ZKSCAN2: variants seen among roughly 807,000 people sequenced by gnomAD.
ZKSCAN2 encodes the protein zinc finger protein with KRAB and SCAN domains 2.
A neutral mutation model predicts 90.5 loss-of-function variants in ZKSCAN2; 38 were observed. That is an observed-to-expected ratio of 0.42 (90% CI 0.32 to 0.55). The LOEUF is 0.55. ZKSCAN2 is among the 20% of genes least tolerant of loss of function. ZKSCAN2 has a pLI of 0.11. For synonymous variants in ZKSCAN2, 429 were observed against 421.6 expected, an observed-to-expected ratio of 1.02 and a Z score of -0.22; for missense variants, 1,167 against 1,202.6, an observed-to-expected ratio of 0.97 and a Z score of 0.44.
At position 25,257,357 on chromosome 16, in the gene ZKSCAN2, T is replaced by C. The variant is rs1963122785; in HGVS notation, c.-230A>G. On this transcript the variant is annotated 5_prime_UTR_variant, in exon 1 of 7. Coordinates refer to ENST00000328086, the MANE Select transcript of ZKSCAN2 (RefSeq NM_001012981.5). Reference sequence around the variant, plus strand: ...AGCCTGGCCTCTTCTCCAAACAAGATGTGACCGCGCAATGTGGTTTTCCAG... The same window carrying C: ...AGCCTGGCCTCTTCTCCAAACAAGACGTGACCGCGCAATGTGGTTTTCCAG... 7.8e-7 allele frequency: 1 copy of C among 1,275,076 alleles called. No homozygotes were observed. Among genetic ancestry groups the C allele is most frequent in the Non-Finnish European group, 9.9e-7 (1 of 1,012,616 alleles). The allele number at this position is 1,275,076 out of a possible 1,614,324, so 79.0% of individuals were successfully genotyped here.
chr16:25,243,959 T>G lies in ZKSCAN2; in HGVS notation c.1807A>C (p.Arg603=). ...STPEEVPSPS[R]QERGGIEVEP... ...ACCTCAATACCCCCTCTTTCTTGCC[T>G]TGAAGGTGATGGGACTTCCTCTGGG... Residue 603 remains arginine (R), a synonymous_variant, in exon 6 of 7, where the codon AGG becomes CGG. Coordinates refer to ENST00000328086, the MANE Select transcript of ZKSCAN2 (RefSeq NM_001012981.5). 1.2e-6 allele frequency: 2 copies of G among 1,614,138 alleles called. No homozygotes were observed. The highest frequency in any genetic ancestry group is 2.2e-5 in the South Asian group (2 of 91,082).
At position 25,257,200 on chromosome 16, in the gene ZKSCAN2, T is replaced by C. The variant is rs1963118910; in HGVS notation, c.-73A>G. ...AAAGAAGACTCCAAGCGCTCCCTGC[T>C]TAATGTTCCTGGGAGTGTGATAAGG... On this transcript the variant is annotated 5_prime_UTR_variant, in exon 1 of 7. Coordinates refer to ENST00000328086, the MANE Select transcript of ZKSCAN2 (RefSeq NM_001012981.5). 3 of 1,517,218 alleles carry C rather than the reference T, an allele frequency of 2.0e-6. No individual in the cohort carries two copies. The highest frequency in any genetic ancestry group is 1.4e-5 in the African/African-American group (1 of 71,964). 94.0% of individuals were successfully genotyped at this position (1,517,218 alleles called of 1,614,324 possible).
At position 25,256,790 on chromosome 16, in the gene ZKSCAN2, C is replaced by T; in HGVS notation, c.338G>A (p.Gly113Glu). 3 of 1,614,198 alleles carry T rather than the reference C, an allele frequency of 1.9e-6. No individual in the cohort carries two copies. The highest frequency in any genetic ancestry group is 1.6e-4 in the Middle Eastern group (1 of 6,062). The change falls in exon 1 of 7, where the codon GGA becomes GAA. Residue 113 changes from glycine (G) to glutamate (E), a missense_variant. Physicochemically the swap from Gly to Glu is moderately conservative, Grantham distance 98. Transcript: ENST00000328086. ...AWAQKQCPQSGEEAVALVVHL... is the reference protein window; with the variant it reads ...AWAQKQCPQSEEEAVALVVHL... ...CACTACCAGGGCCACCGCTTCCTCTCCACTTTGCGGACACTGCTTCTGTGC... is the reference window on the plus strand; with the variant it reads ...CACTACCAGGGCCACCGCTTCCTCTTCACTTTGCGGACACTGCTTCTGTGC...
intron 4 of ZKSCAN2, among the ~76,000 whole-genome samples, chr16:25,251,111 C>T (rs1231627353): frequency 1.3e-5 from 2 of 151,652 alleles, no homozygotes; most frequent in African/African-American, 2.4e-5. Flanking sequence ...CCAATAAAGT[C>T]GAAAAAAATT....
chr16:25,252,082 C>T, intron 3 of ZKSCAN2, 47 bp from the exon 4 acceptor site: 1 of 1,600,718 alleles, frequency 6.2e-7, no homozygotes, highest in East Asian at 2.3e-5. Flanking sequence ...CTGCACAGGT[C>T]TTCAAAGGAT....
intron 4 of ZKSCAN2, among the ~76,000 whole-genome samples, chr16:25,247,880 T>C (rs1406006674): frequency 6.6e-6 from 1 of 152,116 alleles, no homozygotes; most frequent in Non-Finnish European, 1.5e-5. Flanking sequence ...CAAAACAGTA[T>C]GGTACTGGTA....
chr16:25,255,462 A>G, intron 1 of ZKSCAN2, 70 bp from the exon 2 acceptor site: 1 of 1,476,872 alleles, frequency 6.8e-7, no homozygotes, highest in Non-Finnish European at 9.1e-7. Context: ...TCTCCCAGGA[A>G]AGACATCAAA....
intron 2 of ZKSCAN2, among the ~76,000 whole-genome samples, chr16:25,253,712 C>G (rs2141370739): frequency 6.6e-6 from 1 of 152,316 alleles, no homozygotes; most frequent in East Asian, 1.9e-4. Context: ...CTATTTCCCT[C>G]TTAAAGATGA....
chr16:25,255,362 A>G lies in ZKSCAN2; in HGVS notation c.430T>C (p.Ser144Pro). The change falls in exon 2 of 7, where the codon TCC becomes CCC. Residue 144 changes from serine (S) to proline (P), a missense_variant. Physicochemically the swap from Ser to Pro is moderately conservative, Grantham distance 74 (BLOSUM62 -1). Transcript: ENST00000328086. ...ACCTCCCACGCTGCTCCAAGTGGGGAGTGCTTCTCCCGGTGCACGGGACTG... is the reference window on the plus strand; with the variant it reads ...ACCTCCCACGCTGCTCCAAGTGGGGGGTGCTTCTCCCGGTGCACGGGACTG... ...VSSPVHREKH[S>P]PLGAAWEVAD... The G allele has an allele frequency of 5.0e-6, 8 of 1,612,854 alleles. No individual in the cohort carries two copies. Among genetic ancestry groups the G allele is most frequent in the Non-Finnish European group, 6.8e-6 (8 of 1,179,900 alleles).
Position 25,257,714 on chromosome 16 carries a change from G to T in ZKSCAN2, c.-587C>A. 6.2e-6 allele frequency: 1 copy of T among 160,104 alleles called. No homozygotes were observed. The highest frequency in any genetic ancestry group is 1.3e-5 in the Non-Finnish European group (1 of 75,212). The allele number at this position is 160,104 out of a possible 1,614,324, so 9.9% of individuals were successfully genotyped here. On this transcript the variant is annotated 5_prime_UTR_variant, in exon 1 of 7. Coordinates refer to ENST00000328086, the MANE Select transcript of ZKSCAN2 (RefSeq NM_001012981.5). ...TCCTGAGGAAACCGCTGCCGCCGAG[G>T]AAAGGCCGCAAAAACTGTTCCGCCC...
At chr16:25,255,935 C>T (rs1163068869) in intron 1 of ZKSCAN2, among the ~76,000 whole-genome samples, 1 of 152,148 alleles carries the variant, frequency 6.6e-6, no homozygotes, top group Non-Finnish European at 1.5e-5. Flanking sequence ...AGTGAAAGAG[C>T]CTCCTTGTTG....
intron 5 of ZKSCAN2, among the ~76,000 whole-genome samples, chr16:25,245,266 G>A (rs941174124): frequency 6.6e-6 from 1 of 152,094 alleles, no homozygotes; most frequent in African/African-American, 2.4e-5. Flanking sequence ...CACCATGCCT[G>A]GCTAATTGTT....
Position 25,255,254 on chromosome 16 carries a change from G to C in ZKSCAN2, c.538C>G (p.Gln180Glu). ...EEPGSLHSGH[Q>E]EQLNRKRERR... is the part of the protein sequence containing the mutation. ...TCTCGCTTTCGGTTCAGCTGTTCCTGGTGTCCTGAGTGGAGGCTTCCAGGT... is the reference window on the plus strand; with the variant it reads ...TCTCGCTTTCGGTTCAGCTGTTCCTCGTGTCCTGAGTGGAGGCTTCCAGGT... Residue 180 changes from glutamine to glutamate, a missense_variant, in exon 2 of 7, where the codon CAG becomes GAG. Coordinates refer to ENST00000328086, the MANE Select transcript of ZKSCAN2 (RefSeq NM_001012981.5). 6.2e-7 allele frequency: 1 copy of C among 1,611,596 alleles called. No individual in the cohort carries two copies. Among genetic ancestry groups the C allele is most frequent in the Non-Finnish European group, 8.5e-7 (1 of 1,179,474 alleles).
In ZKSCAN2 at chr16:25,237,617, C is replaced by T. The variant is rs1597636646; in HGVS notation, c.*2199G>A. The T allele has an allele frequency of 6.6e-6, 1 of 152,238 alleles. No homozygotes were observed. The highest frequency in any genetic ancestry group is 2.1e-4 in the South Asian group (1 of 4,822). 9.4% of individuals were successfully genotyped at this position (152,238 alleles called of 1,614,324 possible). ...ACTGCCATGGTGTAAGTGGCCCCAA[C>T]TTTTGCTGTGATGCTTCCTCTATCA... On this transcript the variant is annotated 3_prime_UTR_variant, in exon 7 of 7. Transcript: ENST00000328086.
At chr16:25,250,887 G>A (rs1164043947) in intron 4 of ZKSCAN2, among the ~76,000 whole-genome samples, 1 of 152,088 alleles carries the variant, frequency 6.6e-6, no homozygotes, top group Non-Finnish European at 1.5e-5. Context: ...CTCCCAAGTA[G>A]CTGGGATTAC....
intron 4 of ZKSCAN2, among the ~76,000 whole-genome samples, chr16:25,249,128 G>C (rs1187934200): frequency 1.3e-5 from 2 of 152,120 alleles, no homozygotes; most frequent in Non-Finnish European, 2.9e-5. Context: ...ACCAGAAGCT[G>C]GGGGAGGAGG....
In ZKSCAN2 at chr16:25,257,301, G is replaced by T; in HGVS notation, c.-174C>A. 7.0e-7 allele frequency: 1 copy of T among 1,421,374 alleles called. No individual in the cohort carries two copies. The highest frequency in any genetic ancestry group is 9.1e-7 in the Non-Finnish European group (1 of 1,093,458). The allele number at this position is 1,421,374 out of a possible 1,614,324, so 88.0% of individuals were successfully genotyped here. A position where few individuals can be genotyped will look rare whatever the true frequency, so the allele number is the denominator to read the frequency against. On this transcript the variant is annotated 5_prime_UTR_variant, in exon 1 of 7. An upstream open reading frame in the 5' UTR gains an earlier in-frame stop. Transcript: ENST00000328086. Reference sequence around the variant, plus strand: ...TTAATCAAATCTATGCCAGGCCCTTGAAAAGGTGAACGTATACTCTAAGAT... The same window carrying T: ...TTAATCAAATCTATGCCAGGCCCTTTAAAAGGTGAACGTATACTCTAAGAT...
In ZKSCAN2 at chr16:25,255,284, C is replaced by T. The variant is rs769395523; in HGVS notation, c.508G>A (p.Glu170Lys). 1.7e-5 allele frequency: 27 copies of T among 1,613,796 alleles called. No homozygotes were observed. Among genetic ancestry groups the T allele is most frequent in the Non-Finnish European group, 2.2e-5 (26 of 1,179,952 alleles). Reference protein sequence around the residue: ...VETQPRAVSREEPGSLHSGHQ... With the variant: ...VETQPRAVSRKEPGSLHSGHQ... ...CCTGAGTGGAGGCTTCCAGGTTCCT[C>T]CCGAGACACCGCCCTGGGTTGGGTC... The change falls in exon 2 of 7, where the codon GAG becomes AAG. Residue 170 changes from glutamate to lysine, a missense_variant. By Grantham distance (56) the Glu-to-Lys change is moderately conservative. Coordinates refer to ENST00000328086, the MANE Select transcript of ZKSCAN2 (RefSeq NM_001012981.5).
At position 25,253,120 on chromosome 16, in the gene ZKSCAN2, G is replaced by A. The variant is rs766215141; in HGVS notation, c.587-83C>T. The A allele has an allele frequency of 3.0e-6, 3 of 993,552 alleles. No individual in the cohort carries two copies. The South Asian group carries it at 3.8e-5, about 13-fold the overall frequency. 61.5% of individuals were successfully genotyped at this position (993,552 alleles called of 1,614,324 possible). On this transcript the variant is annotated intron_variant, in intron 2 of 6. Transcript: ENST00000328086. ...GTCTCTCTTTTTAAGAGATGAGTATGTATTGAAACACCAACAAATATAAAT... is the reference window on the plus strand; with the variant it reads ...GTCTCTCTTTTTAAGAGATGAGTATATATTGAAACACCAACAAATATAAAT...
Sources: gnomAD v4.1 joint callset for allele counts (sites outside exome capture counted in the v4.1 genomes callset) on GRCh38, gnomAD v4.1.1 for gene constraint, MANE v1.5 for transcripts, NCBI Gene and HGNC (gene_info 2026-07-23, HGNC 2026-07-21) for gene names.